Variants in ATXN2L observed in about 807,000 individuals in gnomAD.
ATXN2L encodes the protein ataxin 2 like.
A neutral mutation model predicts 120.7 loss-of-function variants in ATXN2L; 24 were observed. The ratio of observed to expected loss-of-function variants is 0.20; its 90% confidence interval spans 0.14 to 0.28. The LOEUF (loss-of-function observed/expected upper bound fraction) is 0.28, where lower values mean the gene tolerates loss of function less well. Among genes scored for constraint, ATXN2L ranks in the 10% least tolerant of loss-of-function variants. ATXN2L has a pLI of 1.00. For synonymous variants in ATXN2L, 653 were observed against 568.1 expected (o/e 1.15, Z -2.13); for missense variants, 1,312 against 1,432.3 (o/e 0.92, Z 1.36).
chr16:28,836,890 G>A lies in ATXN2L; in HGVS notation c.*625G>A. Reference sequence around the variant, plus strand: ...GCCCCCCATCCCCCCGTTCCCCAGGGGAGCTGGGGAATTCCTGCCAAGCAC... The same window carrying A: ...GCCCCCCATCCCCCCGTTCCCCAGGAGAGCTGGGGAATTCCTGCCAAGCAC... On this transcript the variant is annotated 3_prime_UTR_variant, in exon 22 of 22. Coordinates refer to ENST00000336783, the MANE Select transcript of ATXN2L (RefSeq NM_007245.4). 8.7e-7 allele frequency: 1 copy of A among 1,147,040 alleles called. No homozygotes were observed. Among genetic ancestry groups the A allele is most frequent in the Non-Finnish European group, 1.3e-6 (1 of 792,014 alleles). 71.1% of individuals were successfully genotyped at this position (1,147,040 alleles called of 1,614,324 possible). A position where few individuals can be genotyped will look rare whatever the true frequency, so the allele number is the denominator to read the frequency against.
chr16:28,829,722 G>A (rs1241909016), intron 7 of ATXN2L, 136 bp from the exon 8 acceptor site: 9 of 938,402 alleles, frequency 9.6e-6, no homozygotes, highest in Non-Finnish European at 1.5e-5. Flanking sequence ...TGCAGTCGGT[G>A]CCCGTTACCC....
intron 6 of ATXN2L, among the ~76,000 whole-genome samples, chr16:28,828,048 T>C (rs1434827163): frequency 3.3e-5 from 5 of 152,270 alleles, no homozygotes; most frequent in African/African-American, 1.2e-4. Flanking sequence ...TGTTGTGTGC[T>C]GTTTTCAAAT....
Position 28,826,959 on chromosome 16 carries a change from C to A in ATXN2L, c.714C>A (p.Ser238Arg). Residue 238 changes from serine to arginine, a missense_variant, in exon 6 of 22, where the codon AGC becomes AGA. Coordinates refer to ENST00000336783, the MANE Select transcript of ATXN2L (RefSeq NM_007245.4). Reference protein sequence around the residue: ...LQRWEGGDSNSDDYDLESDMS... With the variant: ...LQRWEGGDSNRDDYDLESDMS... Reference sequence around the variant, plus strand: ...GCTGGGAGGGGGGTGACAGCAACAGCGACGACTATGACCTCGAGTCTGACA... The same window carrying A: ...GCTGGGAGGGGGGTGACAGCAACAGAGACGACTATGACCTCGAGTCTGACA... 1.3e-6 allele frequency: 2 copies of A among 1,574,558 alleles called. No individual in the cohort carries two copies. Among genetic ancestry groups the A allele is most frequent in the Non-Finnish European group, 8.7e-7 (1 of 1,155,952 alleles).
At chr16:28,823,669 G>A in intron 1 of ATXN2L, 111 bp downstream of exon 1, 1 of 1,097,258 alleles carries the variant, frequency 9.1e-7, no homozygotes, top group Non-Finnish European at 1.2e-6. Context: ...GCTGGGTGGG[G>A]AGTCCCCGTG....
At chr16:28,829,815 C>G (rs1251350640) in intron 7 of ATXN2L, 43 bp from the exon 8 acceptor site, 4 of 1,595,226 alleles carry the variant, frequency 2.5e-6, no homozygotes, top group Non-Finnish European at 3.4e-6. Context: ...CCTCTTTTGT[C>G]CCCTGGCACT....
Position 28,833,052 on chromosome 16 carries a change from C to T in ATXN2L, c.1660-7C>T, listed in dbSNP as rs2055120041. On this transcript the variant is annotated splice_polypyrimidine_tract_variant and splice_region_variant and intron_variant, in intron 13 of 21. Coordinates refer to ENST00000336783, the MANE Select transcript of ATXN2L (RefSeq NM_007245.4). ...CAGACTGGACTGTGTGTGTTTCTCTCTTCCAGCTTCAGCCCAGTAGCTCCC... is the reference window on the plus strand; with the variant it reads ...CAGACTGGACTGTGTGTGTTTCTCTTTTCCAGCTTCAGCCCAGTAGCTCCC... The T allele has an allele frequency of 2.5e-6, 4 of 1,613,024 alleles. No homozygotes were observed. The highest frequency in any genetic ancestry group is 1.7e-5 in the Admixed American group (1 of 59,902).
chr16:28,833,180 C>G lies in ATXN2L; in HGVS notation c.1781C>G (p.Ser594Cys), dbSNP rs1213913473. The change falls in exon 14 of 22, where the codon TCT (serine) becomes TGT (cysteine). Residue 594 changes from serine to cysteine, a missense_variant. By Grantham distance (112) the Ser-to-Cys change is moderately radical. Transcript: ENST00000336783. ...CTGTTGACTTCAGAGCCCATGGGGT[C>G]TCCCGTCTCCTCCAAGACAGAGTCC... The part of the protein sequence containing the change: ...DGLLTSEPMG[S>C]PVSSKTESVS... 1.2e-6 allele frequency: 2 copies of G among 1,614,092 alleles called. No homozygotes were observed. The highest frequency in any genetic ancestry group is 4.5e-5 in the East Asian group (2 of 44,900).
chr16:28,831,774 C>T (rs945509304), intron 10 of ATXN2L, among the ~76,000 whole-genome samples: 26 of 152,170 alleles, frequency 1.7e-4, no homozygotes, highest in African/African-American at 6.0e-4. Context: ...CTCCCAGCTA[C>T]TTGCGAGGCT....
chr16:28,826,379 A>C lies in ATXN2L; in HGVS notation c.605A>C (p.Tyr202Ser). 1 of 1,614,202 alleles carries C rather than the reference A, an allele frequency of 6.2e-7. No homozygotes were observed. Among genetic ancestry groups the C allele is most frequent in the Non-Finnish European group, 8.5e-7 (1 of 1,180,034 alleles). Residue 202 changes from tyrosine (Y) to serine (S), a missense_variant, in exon 5 of 22, where the codon TAT (tyrosine) becomes TCT (serine). Transcript: ENST00000336783. ...LVHFRNVDFN[Y>S]ATKDKFTDSA... ...CACTTCCGAAATGTTGACTTCAACT[A>C]TGCTACTAAAGGTATTGTCCTAGGC...
intron 1 of ATXN2L, 120 bp downstream of exon 1, chr16:28,823,678 T>A: frequency 1.9e-6 from 2 of 1,045,068 alleles, no homozygotes; most frequent in Non-Finnish European, 2.5e-6. Flanking sequence ...GGAGTCCCCG[T>A]GAAGCTGGGG....
rs376343801 is a variant in ATXN2L, at chr16:28,832,184, C to A, written c.1322-21C>A. On this transcript the variant is annotated intron_variant, in intron 10 of 21. Coordinates refer to ENST00000336783, the MANE Select transcript of ATXN2L (RefSeq NM_007245.4). ...CTGTTGACCAGCAGTAACCATCCTA[C>A]AGCTCCCCCTTTTCTTCCAGTGGGC... 6 of 1,613,800 alleles carry A rather than the reference C, an allele frequency of 3.7e-6. No individual in the cohort carries two copies. The African/African-American group carries it at 8.0e-5, about 22-fold the overall frequency.
chr16:28,828,830 A>G (rs972614987), intron 6 of ATXN2L, among the ~76,000 whole-genome samples: 1 of 152,038 alleles, frequency 6.6e-6, no homozygotes. Flanking sequence ...ATCTCAGCTC[A>G]CTGCAACCTC....
intron 7 of ATXN2L, 102 bp from the exon 8 acceptor site, chr16:28,829,756 T>G: frequency 4.7e-6 from 6 of 1,271,946 alleles, no homozygotes; most frequent in Non-Finnish European, 6.8e-6. Flanking sequence ...ATTAAATACT[T>G]CCATGCCTGA....
Position 28,836,948 on chromosome 16 carries a change from C to A in ATXN2L, c.*683C>A. 1 of 739,158 alleles carries A rather than the reference C, an allele frequency of 1.4e-6. No homozygotes were observed. Among genetic ancestry groups the A allele is most frequent in the Non-Finnish European group, 2.3e-6 (1 of 441,154 alleles). The allele number at this position is 739,158 out of a possible 1,614,324, so 45.8% of individuals were successfully genotyped here. On this transcript the variant is annotated 3_prime_UTR_variant, in exon 22 of 22. Transcript: ENST00000336783. ...GGGAGGGGCCTCACAGAGGGCAGGG[C>A]CAGGGTCCAGCAGGGGTGGGGGGTT...
Position 28,833,044 on chromosome 16 carries a change from G to A in ATXN2L, c.1660-15G>A, listed in dbSNP as rs62036657. The A allele has an allele frequency of 0.37, 599,676 of 1,611,018 alleles. 116,594 individuals are homozygous for A. Among genetic ancestry groups the A allele is most frequent in the Admixed American group, 0.47 (27,991 of 59,826 alleles). On this transcript the variant is annotated splice_polypyrimidine_tract_variant and intron_variant, in intron 13 of 21. Transcript: ENST00000336783. ...GTCTGGGTCAGACTGGACTGTGTGT[G>A]TTTCTCTCTTCCAGCTTCAGCCCAG...
At chr16:28,826,097 C>A in intron 4 of ATXN2L, 143 bp from the exon 5 acceptor site, 1 of 1,015,864 alleles carries the variant, frequency 9.8e-7, no homozygotes, top group Non-Finnish European at 1.4e-6. Context: ...GCACTTGGTT[C>A]CAAGCATGTT....
intron 15 of ATXN2L, chr16:28,833,811 CAG>C (rs2055447228): frequency 1.6e-6 from 1 of 620,856 alleles, no homozygotes; most frequent in African/African-American, 1.8e-5. Context: ...TAGTCATGAA[CAG>C]AGGCCAGCTG....
rs1303259791 is a variant in ATXN2L at position 28,836,610 on chromosome 16, C to G, written c.*345C>G. 6.9e-6 allele frequency: 11 copies of G among 1,592,628 alleles called. No homozygotes were observed. The highest frequency in any genetic ancestry group is 4.0e-5 in the African/African-American group (3 of 74,442). ...GTGCTTCTGACAGCCCCCGAGACACCTTGAGGAGGCCGCTCCTTCCCAGAC... is the reference window on the plus strand; with the variant it reads ...GTGCTTCTGACAGCCCCCGAGACACGTTGAGGAGGCCGCTCCTTCCCAGAC... On this transcript the variant is annotated 3_prime_UTR_variant, in exon 22 of 22. Coordinates refer to ENST00000336783, the MANE Select transcript of ATXN2L (RefSeq NM_007245.4).
In ATXN2L at chr16:28,834,435, G is replaced by T; in HGVS notation, c.2245+20G>T. On this transcript the variant is annotated intron_variant, in intron 17 of 21. Transcript: ENST00000336783. ...CAAAAGGTGAGCAGGGCTGGGAGGG[G>T]CAGGCGGCGAGGCTGCCAAGGGCCT... 1 of 1,613,836 alleles carries T rather than the reference G, an allele frequency of 6.2e-7. No individual in the cohort carries two copies. Among genetic ancestry groups the T allele is most frequent in the Non-Finnish European group, 8.5e-7 (1 of 1,179,752 alleles).
Sources: allele counts gnomAD v4.1 joint callset (sites outside exome capture counted in the v4.1 genomes callset), GRCh38; gene constraint gnomAD v4.1.1; transcripts MANE v1.5; gene names NCBI Gene and HGNC (gene_info 2026-07-23, HGNC 2026-07-21).